KNG1: variants seen among roughly 807,000 people sequenced by gnomAD.
KNG1 encodes kininogen 1.
A neutral mutation model predicts 47.8 loss-of-function variants in KNG1; 23 were observed. The observed-to-expected ratio is 0.48, with a 90% CI of 0.35 to 0.68. The LOEUF (loss-of-function observed/expected upper bound fraction) is 0.68. KNG1 is among the 30% of genes least tolerant of loss of function. KNG1 has a pLI of 0.01. For synonymous variants in KNG1, 277 were observed against 277.0 expected (o/e 1.00, Z 0.00); for missense variants, 762 against 790.2 (o/e 0.96, Z 0.43).
At position 186,743,344 on chromosome 3, in the gene KNG1, C is replaced by A. The variant is rs1579133608; in HGVS notation, c.*1013C>A. 2 of 243,204 alleles carry A rather than the reference C, an allele frequency of 8.2e-6. No individual in the cohort carries two copies. Among genetic ancestry groups the A allele is most frequent in the East Asian group, 2.0e-4 (2 of 10,020 alleles). The allele number at this position is 243,204 out of a possible 1,614,324, so 15.1% of individuals were successfully genotyped here. A position where few individuals can be genotyped will look rare whatever the true frequency, so the allele number is the denominator to read the frequency against. On this transcript the variant is annotated 3_prime_UTR_variant, in exon 10 of 10. Coordinates refer to ENST00000644859, the MANE Select transcript of KNG1 (RefSeq NM_001102416.3). The stretch of plus-strand genomic sequence containing the variant: ...TTACTCTCTAGTCTCACTTTATAGT[C>A]TTTTTGCTATGACTTTGAAGACCAT...
In KNG1 at chr3:186,742,439, C is replaced by T. The variant is rs3190571; in HGVS notation, c.*108C>T. 6.8e-3 allele frequency: 10,562 copies of T among 1,549,414 alleles called. 580 individuals are homozygous for T. The African/African-American group carries it at 0.12, about 18-fold the overall frequency. ...ATATAATGCACCAAAAACCATGCAG[C>T]TTCGGAACAGTCTAAAGAGAAGTGG... On this transcript the variant is annotated 3_prime_UTR_variant, in exon 10 of 10. Coordinates refer to ENST00000644859, the MANE Select transcript of KNG1 (RefSeq NM_001102416.3).
intron 5 of KNG1, among the ~76,000 whole-genome samples, chr3:186,730,399 C>T (rs533280404): frequency 6.6e-6 from 1 of 151,652 alleles, no homozygotes. Flanking sequence ...CACGGTAGCT[C>T]ATGCCTGTAA....
In KNG1 at chr3:186,737,780, G is replaced by A. The variant is rs5030112; in HGVS notation, c.931-1319G>A. On this transcript the variant is annotated intron_variant, in intron 7 of 9. Transcript: ENST00000644859. ...ATTATATGTTAGCCAGGACGGTCTCGAACCCCTGACCTCAGGTGATCTGCC... is the reference window on the plus strand; with the variant it reads ...ATTATATGTTAGCCAGGACGGTCTCAAACCCCTGACCTCAGGTGATCTGCC... Among the ~76,000 whole-genome samples, 371 of 152,042 alleles carry A rather than the reference G, an allele frequency of 2.4e-3. 1 individual carries two copies. The highest frequency in any genetic ancestry group is 6.8e-3 in the Middle Eastern group (2 of 294).
chr3:186,742,435 G>A lies in KNG1; in HGVS notation c.*104G>A, dbSNP rs1720841600. 1 of 1,556,230 alleles carries A rather than the reference G, an allele frequency of 6.4e-7. No homozygotes were observed. Among genetic ancestry groups the A allele is most frequent in the African/African-American group, 1.4e-5 (1 of 73,270 alleles). On this transcript the variant is annotated 3_prime_UTR_variant, in exon 10 of 10. Coordinates refer to ENST00000644859, the MANE Select transcript of KNG1 (RefSeq NM_001102416.3). ...CCTGATATAATGCACCAAAAACCATGCAGCTTCGGAACAGTCTAAAGAGAA... is the reference window on the plus strand; with the variant it reads ...CCTGATATAATGCACCAAAAACCATACAGCTTCGGAACAGTCTAAAGAGAA...
intron 5 of KNG1, chr3:186,729,017 T>G (rs1311303540): frequency 6.6e-6 from 1 of 152,170 alleles, no homozygotes; most frequent in Admixed American, 6.5e-5. Flanking sequence ...TAATTGAGCA[T>G]GCATTTATTT....
At position 186,733,150 on chromosome 3, in the gene KNG1, G is replaced by A. The variant is rs547217632; in HGVS notation, c.930+476G>A. ...AGTCCCAGCTACTCCAGAGGCTGAG[G>A]CAGGAGAATCGCTTGAACCTGGGAG... On this transcript the variant is annotated intron_variant, in intron 7 of 9. Coordinates refer to ENST00000644859, the MANE Select transcript of KNG1 (RefSeq NM_001102416.3). 1.7e-3 allele frequency among the ~76,000 whole-genome samples: 261 copies of A among 152,236 alleles called. 1 individual carries two copies. Among genetic ancestry groups the A allele is most frequent in the African/African-American group, 5.9e-3 (244 of 41,546 alleles).
At chr3:186,738,916 A>G (rs1720733938) in intron 7 of KNG1, 183 bp from the exon 8 acceptor site, 1 of 594,448 alleles carries the variant, frequency 1.7e-6, no homozygotes, top group African/African-American at 1.9e-5. Flanking sequence ...AATGGGACCA[A>G]CCGATAGCCA....
intron 6 of KNG1, among the ~76,000 whole-genome samples, chr3:186,731,878 T>C (rs1443929761): frequency 2.6e-5 from 4 of 152,242 alleles, no homozygotes; most frequent in African/African-American, 9.6e-5. Context: ...CTGGGCAAAG[T>C]TGGCCTTTGG....
intron 1 of KNG1, chr3:186,718,437 A>G (rs1004930246): frequency 1.4e-5 from 2 of 145,300 alleles, no homozygotes; most frequent in Non-Finnish European, 2.9e-5. Flanking sequence ...CGCACTACCA[A>G]ATATGTGATC....
rs370623959 is a variant in KNG1 at position 186,725,191 on chromosome 3, G to A, written c.495G>A (p.Gln165=). The change falls in exon 4 of 10, where the codon CAG becomes CAA. Residue 165 remains glutamine, a synonymous_variant. Transcript: ENST00000644859. The part of the protein sequence containing the change: ...DLEPILRHGI[Q]YFNNNTQHSS... ...AGCCCATTCTGAGACACGGCATTCA[G>A]TACTTTAACAACAACACTCAACATT... The A allele has an allele frequency of 6.2e-6, 10 of 1,614,032 alleles. No homozygotes were observed. The African/African-American group carries it at 9.3e-5, about 15-fold the overall frequency.
chr3:186,743,914 T>A lies in KNG1; in HGVS notation c.*1583T>A. The A allele has an allele frequency of 1.4e-6, 1 of 736,608 alleles. No individual in the cohort carries two copies. The highest frequency in any genetic ancestry group is 2.7e-5 in the East Asian group (1 of 37,278). 45.6% of individuals were successfully genotyped at this position (736,608 alleles called of 1,614,324 possible). ...AAGAATGCCATTTTATCACTCTGCC[T>A]CTGGGTGAAATAAAGATCAGTCTTG... On this transcript the variant is annotated 3_prime_UTR_variant, in exon 10 of 10. Coordinates refer to ENST00000644859, the MANE Select transcript of KNG1 (RefSeq NM_001102416.3).
chr3:186,733,154 G>A (rs998604845), intron 7 of KNG1, among the ~76,000 whole-genome samples: 1 of 152,116 alleles, frequency 6.6e-6, no homozygotes, highest in Non-Finnish European at 1.5e-5. Context: ...GCTGAGGCAG[G>A]AGAATCGCTT....
In KNG1 at chr3:186,725,062, T is replaced by C. The variant is rs186482877; in HGVS notation, c.392-26T>C. ...GAATGCTGATTGCGATCATTAATGC[T>C]GTGTTTTTGTCTGCTCTTTGTTAAG... is the stretch of plus-strand genomic sequence containing the variant. On this transcript the variant is annotated intron_variant, in intron 3 of 9. Coordinates refer to ENST00000644859, the MANE Select transcript of KNG1 (RefSeq NM_001102416.3). 8.9e-3 allele frequency: 14,408 copies of C among 1,613,082 alleles called. 100 individuals are homozygous for C. The highest frequency in any genetic ancestry group is 0.011 in the Non-Finnish European group (13,106 of 1,179,396).
chr3:186,735,412 G>T lies in KNG1; in HGVS notation c.930+2738G>T, dbSNP rs940132967. Among the ~76,000 whole-genome samples the T allele has an allele frequency of 3.3e-5, 5 of 152,316 alleles. No homozygotes were observed. The South Asian group carries it at 8.3e-4, about 25-fold the overall frequency. On this transcript the variant is annotated intron_variant, in intron 7 of 9. Transcript: ENST00000644859. ...GCAGGTGGATCACCTGAGGTCAGGA[G>T]TTCGAGACCAGCCTGACCAACATGG...
At chr3:186,734,675 T>C (rs1720624169) in intron 7 of KNG1, 1 of 151,962 alleles carries the variant, frequency 6.6e-6, no homozygotes, top group Admixed American at 6.6e-5. Context: ...ACCAACCTAA[T>C]AAAAATTCCA....
intron 4 of KNG1, among the ~76,000 whole-genome samples, 195 bp from the exon 5 acceptor site, chr3:186,727,042 T>TGTGTGTGTG (rs376637646): frequency 9.7e-5 from 14 of 143,970 alleles, no homozygotes; most frequent in South Asian, 9.0e-4. Context: ...GTGTGTGTGT[T>TGTGTGTGTG]TGTGTGAGAG....
At chr3:186,737,573 C>T (rs1188388301) in intron 7 of KNG1, among the ~76,000 whole-genome samples, 1 of 151,674 alleles carries the variant, frequency 6.6e-6, no homozygotes, top group African/African-American at 2.4e-5. Context: ...GTTTTGTTTC[C>T]CGAAACAGAG....
In KNG1 at chr3:186,743,722, C is replaced by T. The variant is rs557540477; in HGVS notation, c.*1391C>T. 7 of 1,613,690 alleles carry T rather than the reference C, an allele frequency of 4.3e-6. No homozygotes were observed. The highest frequency in any genetic ancestry group is 4.0e-5 in the African/African-American group (3 of 75,016). On this transcript the variant is annotated 3_prime_UTR_variant, in exon 10 of 10. Coordinates refer to ENST00000644859, the MANE Select transcript of KNG1 (RefSeq NM_001102416.3). ...ACTTACAGAGTCACCTAAGGTCCTG[C>T]GAGTACAAGGGTCGACCCCCAAAGG...
rs777284943 is a variant in KNG1 at position 186,722,504 on chromosome 3, C to T, written c.374C>T (p.Thr125Ile). Residue 125 changes from threonine (T) to isoleucine (I), a missense_variant, in exon 3 of 10, where the codon ACC becomes ATC. Coordinates refer to ENST00000644859, the MANE Select transcript of KNG1 (RefSeq NM_001102416.3). ...ACGAAATTCTCCGTGGCTACCCAGACCTGCCAGATTACTCCAGGTGGCTGG... is the reference window on the plus strand; with the variant it reads ...ACGAAATTCTCCGTGGCTACCCAGATCTGCCAGATTACTCCAGGTGGCTGG... ...SSTKFSVATQ[T>I]CQITPAEGPV... 7 of 1,613,544 alleles carry T rather than the reference C, an allele frequency of 4.3e-6. No homozygotes were observed. The East Asian group carries it at 1.6e-4, about 36-fold the overall frequency.
Sources: allele counts gnomAD v4.1 joint callset (sites outside exome capture counted in the v4.1 genomes callset), GRCh38; gene constraint gnomAD v4.1.1; transcripts MANE v1.5; gene names NCBI Gene and HGNC (gene_info 2026-07-23, HGNC 2026-07-21).